The following EIF2AK3 variants were observed in gnomAD, a reference collection of about 807,000 sequenced individuals.
EIF2AK3 encodes the protein eukaryotic translation initiation factor 2-alpha kinase 3.
EIF2AK3 carries 50 observed loss-of-function variants against 113.5 expected under a neutral mutation model. That is an observed-to-expected ratio of 0.44 (90% CI 0.35 to 0.56). The LOEUF is 0.56. Among genes scored for constraint, EIF2AK3 ranks in the 20% least tolerant of loss-of-function variants. EIF2AK3 has a pLI of 0.00. For synonymous variants in EIF2AK3, 448 were observed against 495.4 expected, an observed-to-expected ratio of 0.90 and a Z score of 1.27; for missense variants, 1,185 against 1,378.0, an observed-to-expected ratio of 0.86 and a Z score of 2.22.
chr2:88,578,353 G>C (rs973545886), intron 11 of EIF2AK3, among the ~76,000 whole-genome samples: 11 of 152,084 alleles, frequency 7.2e-5, no homozygotes, highest in Non-Finnish European at 1.3e-4. Context: ...TTCGAGACCA[G>C]CCTGGCCAAC....
intron 4 of EIF2AK3, among the ~76,000 whole-genome samples, chr2:88,591,894 T>TA (rs1674896632): frequency 6.6e-6 from 1 of 152,030 alleles, no homozygotes; most frequent in South Asian, 2.1e-4. Context: ...CTCAAACACT[T>TA]AAAAAAACAA....
chr2:88,620,937 G>A (rs1675704243), intron 1 of EIF2AK3, among the ~76,000 whole-genome samples: 1 of 152,142 alleles, frequency 6.6e-6, no homozygotes, highest in Non-Finnish European at 1.5e-5. Flanking sequence ...ATAAACCTTG[G>A]TAGGACAAAC....
chr2:88,605,169 G>GTA (rs1254101378), intron 2 of EIF2AK3, among the ~76,000 whole-genome samples: 1 of 152,216 alleles, frequency 6.6e-6, no homozygotes, highest in African/African-American at 2.4e-5. Flanking sequence ...GTGTTTATGT[G>GTA]TATATATACA....
At chr2:88,590,196 T>C (rs1228843870) in intron 6 of EIF2AK3, among the ~76,000 whole-genome samples, 1 of 152,194 alleles carries the variant, frequency 6.6e-6, no homozygotes, top group East Asian at 1.9e-4. Flanking sequence ...GATCATGCCA[T>C]CACACTCTAG....
At chr2:88,579,763 TA>T in intron 10 of EIF2AK3, 123 bp from the exon 11 acceptor site, 1 of 887,936 alleles carries the variant, frequency 1.1e-6, no homozygotes, top group Non-Finnish European at 1.7e-6. Flanking sequence ...TCTTAATAAA[TA>T]GTATATTTTG....
chr2:88,573,228 T>C (rs950964070), intron 13 of EIF2AK3, among the ~76,000 whole-genome samples: 34 of 152,242 alleles, frequency 2.2e-4, no homozygotes, highest in Admixed American at 2.0e-3. Flanking sequence ...ATATTAACTT[T>C]CTTCTTGCAA....
chr2:88,578,318 C>T (rs1270043410), intron 11 of EIF2AK3, among the ~76,000 whole-genome samples: 1 of 152,070 alleles, frequency 6.6e-6, no homozygotes, highest in African/African-American at 2.4e-5. Flanking sequence ...GAGGGCAAGA[C>T]GGGTGGATCA....
At chr2:88,577,139 A>G (rs1409158899) in intron 11 of EIF2AK3, among the ~76,000 whole-genome samples, 2 of 151,932 alleles carry the variant, frequency 1.3e-5, no homozygotes, top group African/African-American at 2.4e-5. Flanking sequence ...GCGCACCACC[A>G]CACCCAGGTA....
intron 1 of EIF2AK3, among the ~76,000 whole-genome samples, chr2:88,621,630 A>G (rs1675726790): frequency 6.6e-6 from 1 of 152,176 alleles, no homozygotes; most frequent in African/African-American, 2.4e-5. Flanking sequence ...TACTGATTAG[A>G]CTATACTTCC....
intron 2 of EIF2AK3, among the ~76,000 whole-genome samples, chr2:88,596,747 C>T (rs1675031500): frequency 6.6e-6 from 1 of 152,076 alleles, no homozygotes; most frequent in South Asian, 2.1e-4. Flanking sequence ...AGTTGATAAG[C>T]AGTAGAGCTG....
intron 11 of EIF2AK3, 118 bp from the exon 12 acceptor site, chr2:88,576,821 G>A: frequency 9.2e-7 from 1 of 1,084,242 alleles, no homozygotes; most frequent in Non-Finnish European, 1.3e-6. Flanking sequence ...AATAAAAAAG[G>A]AAAATTAAAG....
chr2:88,565,261 C>A (rs1329606457), intron 14 of EIF2AK3, among the ~76,000 whole-genome samples: 1 of 151,834 alleles, frequency 6.6e-6, no homozygotes, highest in Non-Finnish European at 1.5e-5. Context: ...GTCTCGAACT[C>A]CTGACCTCAG....
rs540704378 is a variant in EIF2AK3, at chr2:88,576,699, A to C, written c.1891T>G (p.Leu631Val). 5.8e-5 allele frequency: 94 copies of C among 1,614,046 alleles called. 2 individuals carry two copies. In the South Asian group the frequency reaches 1.0e-3, roughly 17 times the overall value. Reference protein sequence around the residue: ...IKRIRLPNRELAREKVMREVK... With the variant: ...IKRIRLPNREVAREKVMREVK... ...TCTCGCATTACCTTTTCCCGAGCCA[A>C]TTCCCTGAAAGAGAGAAAATATTTA... is the stretch of plus-strand genomic sequence containing the variant. Residue 631 changes from leucine to valine, a missense_variant, in exon 12 of 17, where the codon TTG becomes GTG. Transcript: ENST00000303236.
Position 88,575,329 on chromosome 2 carries a change from T to C in EIF2AK3, c.2154A>G (p.Arg718=), listed in dbSNP as rs779827181. The stretch of plus-strand genomic sequence containing the variant: ...AAATCCCTACTGAAAAAGACCTGCT[T>C]CTTTGTGGTGAAGGAGCTATGATTT... ...HIEIIAPSPQ[R]SRSFSVGISC... Residue 718 remains arginine (R), a synonymous_variant, in exon 13 of 17, where the codon AGA becomes AGG. Transcript: ENST00000303236. 5.0e-6 allele frequency: 8 copies of C among 1,614,078 alleles called. No homozygotes were observed. Among genetic ancestry groups the C allele is most frequent in the Non-Finnish European group, 6.8e-6 (8 of 1,180,032 alleles).
chr2:88,575,614 C>G, intron 12 of EIF2AK3, 168 bp from the exon 13 acceptor site: 1 of 735,850 alleles, frequency 1.4e-6, no homozygotes, highest in South Asian at 1.6e-5. Context: ...TACAGAACAT[C>G]ACATTCCATT....
chr2:88,622,159 A>T (rs1019380269), intron 1 of EIF2AK3, among the ~76,000 whole-genome samples: 1 of 152,144 alleles, frequency 6.6e-6, no homozygotes, highest in African/African-American at 2.4e-5. Flanking sequence ...GGCCTCCCAA[A>T]GTGCTGTGAT....
intron 2 of EIF2AK3, among the ~76,000 whole-genome samples, chr2:88,596,029 A>C (rs184278739): frequency 1.6e-3 from 241 of 152,316 alleles, no homozygotes; most frequent in South Asian, 7.2e-3. Context: ...CTCTTATAGC[A>C]ATTAGTATGT....
At chr2:88,573,546 C>G (rs1005116558) in intron 13 of EIF2AK3, among the ~76,000 whole-genome samples, 1 of 152,152 alleles carries the variant, frequency 6.6e-6, no homozygotes, top group African/African-American at 2.4e-5. Context: ...TCCAATCCAA[C>G]CAAATAATTC....
intron 13 of EIF2AK3, 115 bp from the exon 14 acceptor site, chr2:88,571,156 A>T: frequency 7.7e-7 from 1 of 1,290,406 alleles, no homozygotes; most frequent in East Asian, 2.4e-5. Context: ...ATTTTCAAGC[A>T]TATTTCTTTT....
Sources: allele counts gnomAD v4.1 joint callset (sites outside exome capture counted in the v4.1 genomes callset), GRCh38; gene constraint gnomAD v4.1.1; transcripts MANE v1.5; gene names NCBI Gene and HGNC (gene_info 2026-07-23, HGNC 2026-07-21).